The following MYRFL variants were observed in gnomAD, a reference collection of about 807,000 sequenced individuals.
The protein encoded by MYRFL is myelin regulatory factor like.
A neutral mutation model predicts 109.4 loss-of-function variants in MYRFL; 88 were observed. The observed-to-expected ratio is 0.80, with a 90% confidence interval of 0.68 to 0.96. MYRFL has a LOEUF of 0.96. MYRFL is among the 40% of genes least tolerant of loss of function. The pLI is 0.00. For synonymous variants in MYRFL, 324 were observed against 320.9 expected (o/e 1.01, Z -0.10); for missense variants, 957 against 954.9 (o/e 1.00, Z -0.03).
intron 4 of MYRFL, among the ~76,000 whole-genome samples, chr12:69,879,916 A>G (rs1234249687): frequency 6.6e-6 from 1 of 152,188 alleles, no homozygotes; most frequent in East Asian, 1.9e-4. Flanking sequence ...ACTCCACATG[A>G]AAAAAGTTGT....
At chr12:69,927,858 T>A in intron 15 of MYRFL, 110 bp downstream of exon 15, 2 of 979,738 alleles carry the variant, frequency 2.0e-6, no homozygotes. Context: ...AAATCCCTAG[T>A]TTGCATCCTT....
At chr12:69,854,094 C>T (rs867386881) in intron 1 of MYRFL, among the ~76,000 whole-genome samples, 5 of 152,202 alleles carry the variant, frequency 3.3e-5, no homozygotes, top group Non-Finnish European at 2.9e-5. Flanking sequence ...TCTGCAATCC[C>T]GGCACCTCGG....
At chr12:69,939,212 C>A (rs1210794200) in intron 19 of MYRFL, among the ~76,000 whole-genome samples, 1 of 152,230 alleles carries the variant, frequency 6.6e-6, no homozygotes, top group Non-Finnish European at 1.5e-5. Flanking sequence ...GGCCTGCCTG[C>A]CTGTGTAGGC....
At chr12:69,920,793 C>G (rs1314201921) in intron 13 of MYRFL, among the ~76,000 whole-genome samples, 1 of 152,196 alleles carries the variant, frequency 6.6e-6, no homozygotes, top group East Asian at 1.9e-4. Flanking sequence ...TCTGAGCTCA[C>G]TAACAGTTCT....
chr12:69,894,232 A>C (rs905078576), intron 8 of MYRFL, among the ~76,000 whole-genome samples: 1 of 152,072 alleles, frequency 6.6e-6, no homozygotes, highest in Non-Finnish European at 1.5e-5. Flanking sequence ...TCCTGAACTC[A>C]GGTGATCTGC....
At chr12:69,929,296 G>C (rs1223404473) in intron 15 of MYRFL, among the ~76,000 whole-genome samples, 1 of 152,160 alleles carries the variant, frequency 6.6e-6, no homozygotes, top group South Asian at 2.1e-4. Context: ...GAGGGCATGT[G>C]GGAGGCAGAA....
chr12:69,907,388 G>C (rs911029531), intron 11 of MYRFL, among the ~76,000 whole-genome samples: 2 of 152,156 alleles, frequency 1.3e-5, no homozygotes, highest in Non-Finnish European at 2.9e-5. Context: ...CCTCTCTGTA[G>C]CCTGGACAGC....
intron 1 of MYRFL, among the ~76,000 whole-genome samples, chr12:69,834,342 G>C (rs1882812138): frequency 6.6e-6 from 1 of 152,174 alleles, no homozygotes; most frequent in Non-Finnish European, 1.5e-5. Context: ...TAGGGTTAAA[G>C]CTACCAATAG....
At chr12:69,859,510 T>C (rs1411653045) in intron 2 of MYRFL, among the ~76,000 whole-genome samples, 1 of 152,230 alleles carries the variant, frequency 6.6e-6, no homozygotes, top group Non-Finnish European at 1.5e-5. Flanking sequence ...GAAAACATAA[T>C]TGTATTGAAT....
chr12:69,934,942 G>T lies in MYRFL; in HGVS notation c.1917-1171G>T, dbSNP rs566969896. Among the ~76,000 whole-genome samples the T allele has an allele frequency of 5.1e-4, 78 of 152,292 alleles. 1 individual carries two copies. The highest frequency in any genetic ancestry group is 8.1e-4 in the Non-Finnish European group (55 of 68,036). On this transcript the variant is annotated intron_variant, in intron 16 of 24. Transcript: ENST00000552032. ...TTCTCACTCTGGGCTGTGGGTTTCA[G>T]GCTGGTTTTGGCTTGAAGGTGGGGT...
In MYRFL at chr12:69,895,421, A is replaced by C. The variant is rs1183980394; in HGVS notation, c.1031A>C (p.His344Pro). 1 of 1,535,484 alleles carries C rather than the reference A, an allele frequency of 6.5e-7. No homozygotes were observed. Among genetic ancestry groups the C allele is most frequent in the East Asian group, 2.4e-5 (1 of 40,918 alleles). ...ACCAAAGTAACACTGGGACGATTAC[A>C]CTTCAGCGAAACCACAGCAAATAAT... The part of the protein sequence containing the change: ...QVTKVTLGRL[H>P]FSETTANNMR... The change falls in exon 9 of 25, where the codon CAC becomes CCC. Residue 344 changes from histidine to proline, a missense_variant. By Grantham distance (77) the His-to-Pro change is moderately conservative. Coordinates refer to ENST00000552032, the MANE Select transcript of MYRFL (RefSeq NM_182530.3).
At chr12:69,891,698 T>TTCG (rs1566002993) in intron 7 of MYRFL, among the ~76,000 whole-genome samples, 3 of 134,776 alleles carry the variant, frequency 2.2e-5, no homozygotes, top group African/African-American at 8.3e-5. Flanking sequence ...TCGTTCGTTC[T>TTCG]TTCTTTCTTT....
At position 69,883,710 on chromosome 12, in the gene MYRFL, A is replaced by AG. The variant is rs1178470365; in HGVS notation, c.557-3110_557-3109insG. 2.7e-5 allele frequency among the ~76,000 whole-genome samples: 4 copies of AG among 150,380 alleles called. No homozygotes were observed. The East Asian group carries it at 7.8e-4, about 29-fold the overall frequency. On this transcript the variant is annotated intron_variant, in intron 5 of 24. Coordinates refer to ENST00000552032, the MANE Select transcript of MYRFL (RefSeq NM_182530.3). ...AGATCCTGTCTCTACAAAAAGTAAA[A>AG]AAAAAAAAAAAAAAAAATTAGCCGA...
At chr12:69,882,306 A>C (rs1348381573) in intron 5 of MYRFL, among the ~76,000 whole-genome samples, 1 of 146,716 alleles carries the variant, frequency 6.8e-6, no homozygotes, top group Non-Finnish European at 1.5e-5. Context: ...CAAAAAAAGA[A>C]AAAAGAAAGA....
intron 5 of MYRFL, among the ~76,000 whole-genome samples, chr12:69,883,625 G>A (rs1419388593): frequency 1.3e-5 from 2 of 151,812 alleles, no homozygotes; most frequent in Non-Finnish European, 2.9e-5. Flanking sequence ...CACTTTGGGA[G>A]GCTGAGGTGG....
At chr12:69,838,997 C>A (rs1445862809) in intron 1 of MYRFL, among the ~76,000 whole-genome samples, 1 of 152,180 alleles carries the variant, frequency 6.6e-6, no homozygotes, top group Non-Finnish European at 1.5e-5. Context: ...ATCGAGCCAA[C>A]CAGCAGTCAT....
chr12:69,873,181 C>T (rs1240222), intron 2 of MYRFL, among the ~76,000 whole-genome samples: 102,877 of 151,958 alleles, frequency 0.68, 35,120 homozygotes, highest in Non-Finnish European at 0.71. Context: ...TGGGCCACAT[C>T]GGAAGAAGAA....
At chr12:69,891,670 TTTCTTTCTTTCTTTCGTTCGTTC>T (rs1380790149) in intron 7 of MYRFL, among the ~76,000 whole-genome samples, 4,123 of 118,336 alleles carry the variant, frequency 0.035, 301 homozygotes, top group African/African-American at 0.068. Flanking sequence ...TCTTTCTTTC[TTTCTTTCTTTCTTTCGTTCGTTC>T]GTTCTTTCTT....
rs568173621 is a variant in MYRFL at position 69,860,349 on chromosome 12, T to C, written c.137+4979T>C. ...CACACTTTCTTTATCCATTCTATCA[T>C]TGATGGACATTTAGGTTGATTCCAT... On this transcript the variant is annotated intron_variant, in intron 2 of 24. Coordinates refer to ENST00000552032, the MANE Select transcript of MYRFL (RefSeq NM_182530.3). Among the ~76,000 whole-genome samples, 9 of 152,336 alleles carry C rather than the reference T, an allele frequency of 5.9e-5. No individual in the cohort carries two copies. The South Asian group carries it at 1.4e-3, about 25-fold the overall frequency.
Sources: allele counts gnomAD v4.1 joint callset (sites outside exome capture counted in the v4.1 genomes callset), GRCh38; gene constraint gnomAD v4.1.1; transcripts MANE v1.5; gene names NCBI Gene and HGNC (gene_info 2026-07-23, HGNC 2026-07-21).